The following KATNIP variants were observed in gnomAD, a reference collection of about 807,000 sequenced individuals.
KATNIP encodes the protein katanin-interacting protein.
Under a neutral mutation model 174.0 loss-of-function variants are expected in KATNIP, and 126 were observed. The ratio of observed to expected loss-of-function variants is 0.72; its 90% CI spans 0.63 to 0.84. KATNIP has a LOEUF of 0.84. Among genes scored for constraint, KATNIP ranks in the 40% least tolerant of loss-of-function variants. The pLI, the probability that KATNIP is intolerant of heterozygous loss-of-function variation, is 0.00. For missense variants in KATNIP, 1,958 were observed against 2,109.7 expected, an observed-to-expected ratio of 0.93 and a Z score of 1.41; for synonymous variants, 810 against 835.7, an observed-to-expected ratio of 0.97 and a Z score of 0.53.
chr16:27,566,874 C>A lies in KATNIP; in HGVS notation c.8-7027C>A, dbSNP rs116616015. On this transcript the variant is annotated intron_variant, in intron 1 of 27. Coordinates refer to ENST00000261588, the MANE Select transcript of KATNIP (RefSeq NM_015202.5). ...CCTTTGAAATCAGATCGTCAGACAA[C>A]CCATCTGCACCTTCCTTTATCTTTT... Among the ~76,000 whole-genome samples the A allele has an allele frequency of 7.2e-3, 1,103 of 152,316 alleles. 16 individuals carry two copies. Among genetic ancestry groups the A allele is most frequent in the African/African-American group, 0.025 (1,056 of 41,572 alleles).
At chr16:27,681,571 C>T (rs766473859) in intron 8 of KATNIP, 41 bp downstream of exon 8, 8 of 1,611,930 alleles carry the variant, frequency 5.0e-6, no homozygotes, top group South Asian at 1.1e-5. Flanking sequence ...AGCAGGGCTG[C>T]GACTGGGTCA....
At chr16:27,702,994 C>T (rs2079156461) in intron 11 of KATNIP, among the ~76,000 whole-genome samples, 1 of 152,062 alleles carries the variant, frequency 6.6e-6, no homozygotes, top group Admixed American at 6.5e-5. Flanking sequence ...TGGCGAAAAC[C>T]CATCTCTACT....
chr16:27,584,791 C>CAA (rs879545292), intron 2 of KATNIP, among the ~76,000 whole-genome samples: 1 of 140,692 alleles, frequency 7.1e-6, no homozygotes. Flanking sequence ...AATTCCATCT[C>CAA]AAAAAAAAAA....
intron 2 of KATNIP, among the ~76,000 whole-genome samples, chr16:27,605,152 C>T (rs1226569431): frequency 1.3e-5 from 2 of 152,042 alleles, no homozygotes; most frequent in South Asian, 2.1e-4. Context: ...AGGCTGGTCT[C>T]GAACTCCTGA....
At chr16:27,698,926 C>T (rs1011223712) in intron 9 of KATNIP, among the ~76,000 whole-genome samples, 12 of 152,210 alleles carry the variant, frequency 7.9e-5, no homozygotes, top group Non-Finnish European at 1.5e-4. Context: ...CCCTGGCCCA[C>T]TTCACTTGTT....
chr16:27,695,132 T>G (rs1339607535), intron 8 of KATNIP, among the ~76,000 whole-genome samples: 2 of 152,246 alleles, frequency 1.3e-5, no homozygotes, highest in Admixed American at 1.3e-4. Context: ...CCACATTCTG[T>G]GTCCCCTCCT....
At chr16:27,755,473 C>G (rs764117728) in intron 18 of KATNIP, 2 of 152,316 alleles carry the variant, frequency 1.3e-5, no homozygotes, top group Non-Finnish European at 2.9e-5. Context: ...TGCGGTTCAG[C>G]CACTTCAAGG....
At chr16:27,604,236 C>T (rs895887107) in intron 2 of KATNIP, among the ~76,000 whole-genome samples, 1 of 151,748 alleles carries the variant, frequency 6.6e-6, no homozygotes. Context: ...GTAGCTGGGA[C>T]TACAGGCACA....
chr16:27,759,509 A>G lies in KATNIP; in HGVS notation c.3632-1904A>G, dbSNP rs182165370. Among the ~76,000 whole-genome samples the G allele has an allele frequency of 1.3e-3, 199 of 152,390 alleles. 2 individuals are homozygous for G. The highest frequency in any genetic ancestry group is 3.9e-3 in the African/African-American group (162 of 41,600). The stretch of plus-strand genomic sequence containing the variant: ...ATTCATGACTGACTGGTAATTCAGT[A>G]TCTTGGCTGGGCAGCTCTGGGTGAG... On this transcript the variant is annotated intron_variant, in intron 18 of 27. Transcript: ENST00000261588.
In KATNIP at chr16:27,740,152, G is replaced by A; in HGVS notation, c.1855G>A (p.Val619Ile). 6.2e-7 allele frequency: 1 copy of A among 1,614,172 alleles called. No individual in the cohort carries two copies. The highest frequency in any genetic ancestry group is 8.5e-7 in the Non-Finnish European group (1 of 1,180,040). The change falls in exon 15 of 28, where the codon GTT becomes ATT. Residue 619 changes from valine (V) to isoleucine (I), a missense_variant. Around this residue, in one of 3 missense-constraint regions of KATNIP, gnomAD observed 1,557 missense variants for 1,617.8 expected, o/e 0.96. Transcript: ENST00000261588. ...REAPADHSILVDQKNEKSEQL... is the reference protein window; with the variant it reads ...REAPADHSILIDQKNEKSEQL... ...GGCCCCAGCTGACCACAGCATCCTG[G>A]TTGACCAGAAGAACGAGAAGAGCGA...
At position 27,662,383 on chromosome 16, in the gene KATNIP, G is replaced by T. The variant is rs151169909; in HGVS notation, c.540+13648G>T. On this transcript the variant is annotated intron_variant, in intron 6 of 27. Transcript: ENST00000261588. ...GAAGAGCTCTTTCTCCTTGACAGTG[G>T]CTCTTGACCTAGCCCGTCTGTTACC... Among the ~76,000 whole-genome samples the T allele has an allele frequency of 6.0e-3, 912 of 152,060 alleles. 12 individuals carry two copies. Among genetic ancestry groups the T allele is most frequent in the African/African-American group, 0.021 (883 of 41,460 alleles).
At chr16:27,757,754 C>T (rs951887211) in intron 18 of KATNIP, among the ~76,000 whole-genome samples, 1 of 152,218 alleles carries the variant, frequency 6.6e-6, no homozygotes, top group African/African-American at 2.4e-5. Context: ...ATTCAAAATC[C>T]TCAACCTGCT....
At position 27,777,643 on chromosome 16, in the gene KATNIP, A is replaced by G. The variant is rs1363546788; in HGVS notation, c.4585A>G (p.Ile1529Val). 3 of 1,613,280 alleles carry G rather than the reference A, an allele frequency of 1.9e-6. No individual in the cohort carries two copies. Among genetic ancestry groups the G allele is most frequent in the East Asian group, 2.2e-5 (1 of 44,890 alleles). Residue 1529 changes from isoleucine (I) to valine (V), a missense_variant, in exon 26 of 28, where the codon ATC becomes GTC. Ile to Val is a conservative substitution (Grantham distance 29, BLOSUM62 3). Coordinates refer to ENST00000261588, the MANE Select transcript of KATNIP (RefSeq NM_015202.5). This position sits in a 1 kb window ranked among gnomAD's most constrained non-coding sequence, Gnocchi z 4.4. ...LVDDLLVYNG[I>V]LAMVSHLVGG... ...GGACGACCTGCTTGTGTACAATGGG[A>G]TCCTGGCCATGGTGAGCCACCTGGT...
intron 19 of KATNIP, among the ~76,000 whole-genome samples, chr16:27,763,705 C>T (rs2082031229): frequency 6.6e-6 from 1 of 151,922 alleles, no homozygotes; most frequent in South Asian, 2.1e-4. Context: ...ATAGTCCCCA[C>T]ACCCACCCTT....
chr16:27,554,363 G>T (rs1177376878), intron 1 of KATNIP, among the ~76,000 whole-genome samples: 1 of 152,096 alleles, frequency 6.6e-6, no homozygotes, highest in African/African-American at 2.4e-5. Context: ...CTTGGGGGAG[G>T]CTGAGGCAAG....
At chr16:27,563,136 G>A (rs1009511850) in intron 1 of KATNIP, among the ~76,000 whole-genome samples, 2 of 152,196 alleles carry the variant, frequency 1.3e-5, no homozygotes, top group South Asian at 2.1e-4. Context: ...TTTAGTTGGG[G>A]AGACAGACTA....
rs2082499041 is a variant in KATNIP, at chr16:27,776,382, T to A, written c.4450-546T>A. Among the ~76,000 whole-genome samples the A allele has an allele frequency of 1.3e-5, 2 of 152,124 alleles. No individual in the cohort carries two copies. The highest frequency in any genetic ancestry group is 1.3e-4 in the Admixed American group (2 of 15,278). On this transcript the variant is annotated intron_variant, in intron 24 of 27. Coordinates refer to ENST00000261588, the MANE Select transcript of KATNIP (RefSeq NM_015202.5). This position sits in a 1 kb window ranked among gnomAD's most constrained non-coding sequence, Gnocchi z 4.7. ...GGGAGGGCTGTTTGAGGCTGCTCCG[T>A]CCCACTTTTCCCACTGGATTCTGCC...
Position 27,751,077 on chromosome 16 carries a change from G to A in KATNIP, c.3347-642G>A, listed in dbSNP as rs906633967. ...CTTACAGCATGAGTGTGCTAGGCCT[G>A]ACCTCATTCAGCATCTCCCATAAAG... On this transcript the variant is annotated intron_variant, in intron 16 of 27. Transcript: ENST00000261588. 6.6e-5 allele frequency among the ~76,000 whole-genome samples: 10 copies of A among 152,064 alleles called. 1 individual carries two copies. Among genetic ancestry groups the A allele is most frequent in the African/African-American group, 2.4e-4 (10 of 41,392 alleles).
At chr16:27,713,392 T>C (rs2079673826) in intron 13 of KATNIP, among the ~76,000 whole-genome samples, 1 of 151,970 alleles carries the variant, frequency 6.6e-6, no homozygotes, top group African/African-American at 2.4e-5. Context: ...TCATCTTGAA[T>C]TGTAAAAATA....
Sources: gnomAD v4.1 joint callset for allele counts (sites outside exome capture counted in the v4.1 genomes callset) on GRCh38, gnomAD v4.1.1 for gene constraint, gnomAD v4.1.1 regional missense constraint, Gnocchi (gnomAD v3.1) non-coding constraint, MANE v1.5 for transcripts, NCBI Gene and HGNC (gene_info 2026-07-23, HGNC 2026-07-21) for gene names.